The following DCLRE1A variants were observed in gnomAD, a reference collection of about 807,000 sequenced individuals.
The protein encoded by DCLRE1A is DNA cross-link repair 1A protein.
DCLRE1A carries 64 observed loss-of-function variants against 91.9 expected under a neutral mutation model. That is an observed-to-expected ratio of 0.70 (90% CI 0.57 to 0.86). DCLRE1A has a LOEUF of 0.86. Among genes scored for constraint, DCLRE1A ranks in the 40% least tolerant of loss-of-function variants. The pLI is 0.00. For missense variants in DCLRE1A, 1,145 were observed against 1,213.3 expected, an observed-to-expected ratio of 0.94 and a Z score of 0.84; for synonymous variants, 416 against 431.1, an observed-to-expected ratio of 0.96 and a Z score of 0.43.
rs1845663867 is a variant in DCLRE1A at position 113,852,296 on chromosome 10, A to C, written c.460+427T>G. ...GCTTGCAGTGAGCCAAGATAGCGCC[A>C]CTGCACTCCAATCTGGGCAACAGAG... is the stretch of plus-strand genomic sequence containing the variant. On this transcript the variant is annotated intron_variant, in intron 1 of 8. Coordinates refer to ENST00000361384, the MANE Select transcript of DCLRE1A (RefSeq NM_014881.5). Among the ~76,000 whole-genome samples, 3 of 152,236 alleles carry C rather than the reference A, an allele frequency of 2.0e-5. No individual in the cohort carries two copies. In the South Asian group the frequency reaches 6.2e-4, roughly 31 times the overall value.
chr10:113,840,848 T>C (rs1340349488), intron 7 of DCLRE1A, among the ~76,000 whole-genome samples: 1 of 152,216 alleles, frequency 6.6e-6, no homozygotes, highest in Non-Finnish European at 1.5e-5. Context: ...TTAGTTAGTA[T>C]ATGAATAAGT....
At chr10:113,843,116 A>G (rs1269412086) in intron 5 of DCLRE1A, among the ~76,000 whole-genome samples, 1 of 151,918 alleles carries the variant, frequency 6.6e-6, no homozygotes, top group African/African-American at 2.4e-5. Flanking sequence ...TCCATGCAAT[A>G]TAACCCAGTG....
Position 113,837,164 on chromosome 10 carries a change from T to G in DCLRE1A, c.2860A>C (p.Asn954His). ...SHLKKCGGKY[N>H]QILAFRPTGW... is the part of the protein sequence containing the mutation. Reference sequence around the variant, plus strand: ...GTAGGTCGAAATGCCAAAATCTGATTGTATTTCCCACCACACTTCTTCAAA... The same window carrying G: ...GTAGGTCGAAATGCCAAAATCTGATGGTATTTCCCACCACACTTCTTCAAA... The change falls in exon 8 of 9, where the codon AAT becomes CAT. Residue 954 changes from asparagine (N) to histidine (H), a missense_variant. Transcript: ENST00000361384. The G allele has an allele frequency of 6.2e-7, 1 of 1,613,264 alleles. No individual in the cohort carries two copies. The highest frequency in any genetic ancestry group is 8.5e-7 in the Non-Finnish European group (1 of 1,179,708).
intron 6 of DCLRE1A, among the ~76,000 whole-genome samples, 190 bp from the exon 7 acceptor site, chr10:113,841,750 C>T (rs1374523589): frequency 6.6e-6 from 1 of 151,926 alleles, no homozygotes; most frequent in Admixed American, 6.6e-5. Flanking sequence ...TGTGAGAAAA[C>T]TAAATAATTT....
intron 5 of DCLRE1A, 102 bp from the exon 6 acceptor site, chr10:113,842,590 A>G: frequency 9.2e-7 from 1 of 1,092,006 alleles, no homozygotes; most frequent in Admixed American, 2.3e-5. Context: ...CTTACATACA[A>G]CAGCAATGTA....
chr10:113,842,369 G>C lies in DCLRE1A; in HGVS notation c.2639C>G (p.Ser880Cys), dbSNP rs200126270. ...PHALVVCGTY[S>C]IGKEKVFLAI... ...TAGGAAGACTTTCTCTTTTCCAATA[G>C]AGTAAGTGCCACAGACAACAAGAGC... The change falls in exon 6 of 9, where the codon TCT (serine) becomes TGT (cysteine). Residue 880 changes from serine to cysteine, a missense_variant. Coordinates refer to ENST00000361384, the MANE Select transcript of DCLRE1A (RefSeq NM_014881.5). 5.0e-6 allele frequency: 8 copies of C among 1,613,478 alleles called. No homozygotes were observed. The highest frequency in any genetic ancestry group is 1.1e-5 in the South Asian group (1 of 91,006).
intron 7 of DCLRE1A, among the ~76,000 whole-genome samples, chr10:113,838,001 A>G (rs1845389558): frequency 6.6e-6 from 1 of 152,166 alleles, no homozygotes; most frequent in Non-Finnish European, 1.5e-5. Context: ...GAATAATAAA[A>G]TTCATTTTAT....
Position 113,849,675 on chromosome 10 carries a change from A to G in DCLRE1A, c.1430T>C (p.Leu477Pro), listed in dbSNP as rs780208332. Residue 477 changes from leucine to proline, a missense_variant, in exon 2 of 9, where the codon CTT becomes CCT. Transcript: ENST00000361384. Reference protein sequence around the residue: ...KPFESQVEGYLSSQPTQNTIR... With the variant: ...KPFESQVEGYPSSQPTQNTIR... Reference sequence around the variant, plus strand: ...TGTATTTTGGGTTGGTTGGGAAGAAAGATACCCTTCTACCTGACTTTCAAA... The same window carrying G: ...TGTATTTTGGGTTGGTTGGGAAGAAGGATACCCTTCTACCTGACTTTCAAA... 6 of 1,614,182 alleles carry G rather than the reference A, an allele frequency of 3.7e-6. No individual in the cohort carries two copies. The South Asian group carries it at 5.5e-5, about 15-fold the overall frequency.
intron 4 of DCLRE1A, 101 bp from the exon 5 acceptor site, chr10:113,844,345 C>CT: frequency 6.9e-7 from 1 of 1,455,554 alleles, no homozygotes; most frequent in Non-Finnish European, 9.3e-7. Context: ...ATTAGCTGAC[C>CT]ACAATGACAT....
chr10:113,848,894 C>CAG, intron 2 of DCLRE1A, 86 bp downstream of exon 2: 1 of 734,202 alleles, frequency 1.4e-6, no homozygotes, highest in African/African-American at 1.8e-5. Flanking sequence ...TTGTCTCATA[C>CAG]ACACACACAC....
Position 113,844,215 on chromosome 10 carries a change from T to C in DCLRE1A, c.2408A>G (p.Tyr803Cys). Reference protein sequence around the residue: ...HCPGAVMILFYLPNGTVILHT... With the variant: ...HCPGAVMILFCLPNGTVILHT... ...TAATATGACAGTACCATTAGGAAGA[T>C]AAAAGAGGATCATGACAGCACCTGG... Residue 803 changes from tyrosine (Y) to cysteine (C), a missense_variant, in exon 5 of 9, where the codon TAT becomes TGT. Transcript: ENST00000361384. 2 of 1,614,044 alleles carry C rather than the reference T, an allele frequency of 1.2e-6. No homozygotes were observed. Among genetic ancestry groups the C allele is most frequent in the South Asian group, 1.1e-5 (1 of 91,070 alleles).
chr10:113,841,102 C>T (rs974440338), intron 7 of DCLRE1A, among the ~76,000 whole-genome samples: 5 of 152,336 alleles, frequency 3.3e-5, no homozygotes, highest in African/African-American at 1.2e-4. Flanking sequence ...CCAGAAAGAA[C>T]TGGAAAATGA....
At position 113,849,630 on chromosome 10, in the gene DCLRE1A, T is replaced by G; in HGVS notation, c.1475A>C (p.Glu492Ala). The G allele has an allele frequency of 6.2e-7, 1 of 1,614,182 alleles. No individual in the cohort carries two copies. The highest frequency in any genetic ancestry group is 2.2e-5 in the East Asian group (1 of 44,878). ...AGTATTATTCTTAGCATTCAAGTTC[T>G]CACTTGATAATTTTCTAATTGTATT... is the stretch of plus-strand genomic sequence containing the variant. ...TQNTIRKLSS[E>A]NLNAKNNTNS... Residue 492 changes from glutamate to alanine, a missense_variant, in exon 2 of 9, where the codon GAG (glutamate) becomes GCG (alanine). Coordinates refer to ENST00000361384, the MANE Select transcript of DCLRE1A (RefSeq NM_014881.5).
intron 5 of DCLRE1A, among the ~76,000 whole-genome samples, 188 bp from the exon 6 acceptor site, chr10:113,842,676 T>C (rs1055520147): frequency 6.6e-6 from 1 of 152,234 alleles, no homozygotes; most frequent in African/African-American, 2.4e-5. Flanking sequence ...TAAGATCAAA[T>C]TGTAAGTTTT....
chr10:113,845,396 C>T (rs773259934), intron 4 of DCLRE1A, among the ~76,000 whole-genome samples: 2 of 152,076 alleles, frequency 1.3e-5, no homozygotes, highest in Non-Finnish European at 2.9e-5. Flanking sequence ...TTGCAAAGAA[C>T]AGCAACAACA....
intron 6 of DCLRE1A, among the ~76,000 whole-genome samples, chr10:113,841,967 C>T (rs2134653367): frequency 6.6e-6 from 1 of 152,182 alleles, no homozygotes; most frequent in African/African-American, 2.4e-5. Context: ...AGTTATACAT[C>T]CAGAAATCAT....
At chr10:113,842,912 T>G (rs1353633494) in intron 5 of DCLRE1A, among the ~76,000 whole-genome samples, 1 of 152,108 alleles carries the variant, frequency 6.6e-6, no homozygotes, top group Non-Finnish European at 1.5e-5. Flanking sequence ...TGAAACTAAA[T>G]ATGAATTTAG....
chr10:113,840,468 C>G (rs1277946545), intron 7 of DCLRE1A, among the ~76,000 whole-genome samples: 3 of 152,126 alleles, frequency 2.0e-5, no homozygotes, highest in Non-Finnish European at 4.4e-5. Flanking sequence ...AGAGGTGGCC[C>G]TCTTCCTGTT....
At position 113,853,166 on chromosome 10, in the gene DCLRE1A, G is replaced by C; in HGVS notation, c.17C>G (p.Ser6Cys). 1 of 1,566,204 alleles carries C rather than the reference G, an allele frequency of 6.4e-7. No individual in the cohort carries two copies. Among genetic ancestry groups the C allele is most frequent in the South Asian group, 1.2e-5 (1 of 82,206 alleles). Residue 6 changes from serine to cysteine, a missense_variant, in exon 1 of 9, where the codon TCC becomes TGC. Coordinates refer to ENST00000361384, the MANE Select transcript of DCLRE1A (RefSeq NM_014881.5). MLEDI[S>C]EEDIWEYKSK... ...TTTGTATTCCCAAATGTCTTCTTCG[G>C]AAATGTCTTCTAACATGGCAAAATG...
Sources: allele counts gnomAD v4.1 joint callset (sites outside exome capture counted in the v4.1 genomes callset), GRCh38; gene constraint gnomAD v4.1.1; transcripts MANE v1.5; gene names NCBI Gene and HGNC (gene_info 2026-07-23, HGNC 2026-07-21).